Variants in PCBP4 observed in about 807,000 individuals in gnomAD.
The protein encoded by PCBP4 is poly(rC) binding protein 4.
PCBP4 carries 24 observed loss-of-function variants against 46.2 expected under a neutral mutation model. That is an observed-to-expected ratio of 0.52 (90% CI 0.38 to 0.73). PCBP4 has a LOEUF of 0.73. Ranked by LOEUF, PCBP4 falls within the 30% of genes least tolerant of loss-of-function variation. The probability of loss-of-function intolerance (pLI) is 0.00; values close to 1 mark genes in which losing one functional copy is unlikely to be tolerated. For synonymous variants in PCBP4, 203 were observed against 224.4 expected (o/e 0.90, Z 0.85); for missense variants, 407 against 537.0 (o/e 0.76, Z 2.39).
chr3:51,966,917 C>T (rs1412475448), intron 1 of PCBP4, among the ~76,000 whole-genome samples: 2 of 152,040 alleles, frequency 1.3e-5, no homozygotes, highest in South Asian at 2.1e-4. Context: ...ACACCCCTGG[C>T]CTGGAGGTCT....
chr3:51,967,451 G>T lies in PCBP4; in HGVS notation c.-338C>A, dbSNP rs1042919214. Reference sequence around the variant, plus strand: ...TGACATCAGCTGCGAACAATGAGGGGTTTGACAGGCGCGGAGCCCGGCCGG... The same window carrying T: ...TGACATCAGCTGCGAACAATGAGGGTTTTGACAGGCGCGGAGCCCGGCCGG... On this transcript the variant is annotated 5_prime_UTR_variant, in exon 1 of 14. Coordinates refer to ENST00000461554, the MANE Select transcript of PCBP4 (RefSeq NM_001174100.2). 6.8e-6 allele frequency: 1 copy of T among 147,826 alleles called. No homozygotes were observed. The highest frequency in any genetic ancestry group is 1.5e-5 in the Non-Finnish European group (1 of 66,396). The allele number at this position is 147,826 out of a possible 1,614,324, so 9.2% of individuals were successfully genotyped here. A position where few individuals can be genotyped will look rare whatever the true frequency, so the allele number is the denominator to read the frequency against.
intron 1 of PCBP4, chr3:51,962,798 T>G (rs1700243448): frequency 1.3e-5 from 2 of 152,216 alleles, no homozygotes; most frequent in African/African-American, 4.8e-5. Flanking sequence ...CATAAGGTCT[T>G]TGTTTCCTCA....
chr3:51,967,020 G>A (rs752262711), intron 1 of PCBP4, among the ~76,000 whole-genome samples: 6 of 152,138 alleles, frequency 3.9e-5, no homozygotes, highest in Non-Finnish European at 7.4e-5. Flanking sequence ...CAGAGATGGA[G>A]CAGAACCAGA....
At position 51,960,532 on chromosome 3, in the gene PCBP4, C is replaced by T; in HGVS notation, c.249G>A (p.Leu83=). Residue 83 remains leucine (L), a synonymous_variant, in exon 6 of 14, where the codon CTG becomes CTA. Transcript: ENST00000461554. The surrounding 1 kb of genome is among the most constrained non-coding windows in gnomAD (Gnocchi z 5.0). ...GCCCTGGCCAGCCACGGACCTCATC[C>T]AGTTTGAAAGCAATCATGGAGACTG... ...FHAVSMIAFK[L]DEDLCAAPAN... The T allele has an allele frequency of 6.2e-7, 1 of 1,612,364 alleles. No homozygotes were observed.
Position 51,961,272 on chromosome 3 carries a change from T to TGCGAGTGTGTCCGC in PCBP4, c.-46_-33dup. 1 of 1,604,118 alleles carries TGCGAGTGTGTCCGC rather than the reference T, an allele frequency of 6.2e-7. No individual in the cohort carries two copies. Among genetic ancestry groups the TGCGAGTGTGTCCGC allele is most frequent in the Non-Finnish European group, 8.5e-7 (1 of 1,177,974 alleles). On this transcript the variant is annotated 5_prime_UTR_variant, in exon 3 of 14. Transcript: ENST00000461554. Reference sequence around the variant, plus strand: ...AGGCGAGGCTGGGGCCACAGCGACCTGCGAGTGTGTCCGCGCTGCAACCTG... The same window carrying TGCGAGTGTGTCCGC: ...AGGCGAGGCTGGGGCCACAGCGACCTGCGAGTGTGTCCGCGCGAGTGTGTCCGCGCTGCAACCTG...
At position 51,958,006 on chromosome 3, in the gene PCBP4, A is replaced by G; in HGVS notation, c.*55T>C. 1 of 1,477,906 alleles carries G rather than the reference A, an allele frequency of 6.8e-7. No homozygotes were observed. The highest frequency in any genetic ancestry group is 9.0e-7 in the Non-Finnish European group (1 of 1,105,384). 91.5% of individuals were successfully genotyped at this position (1,477,906 alleles called of 1,614,324 possible). A position where few individuals can be genotyped will look rare whatever the true frequency, so the allele number is the denominator to read the frequency against. ...GAGTCTCCTTGGGCGGGTAGGGTGC[A>G]GAGGCAGCCCCCTGCTGGTGGTCCT... is the stretch of plus-strand genomic sequence containing the variant. On this transcript the variant is annotated 3_prime_UTR_variant, in exon 14 of 14. Coordinates refer to ENST00000461554, the MANE Select transcript of PCBP4 (RefSeq NM_001174100.2). This position sits in a 1 kb window ranked among gnomAD's most constrained non-coding sequence, Gnocchi z 5.4.
intron 1 of PCBP4, among the ~76,000 whole-genome samples, chr3:51,967,050 G>T (rs1309595978): frequency 6.6e-6 from 1 of 152,180 alleles, no homozygotes; most frequent in Non-Finnish European, 1.5e-5. Flanking sequence ...AGGAGTCAGA[G>T]AGAGGAGCAG....
rs531350169 is a variant in PCBP4 at position 51,958,340 on chromosome 3, C to T, written c.933G>A (p.Thr311=). 71 of 1,499,676 alleles carry T rather than the reference C, an allele frequency of 4.7e-5. No homozygotes were observed. Among genetic ancestry groups the T allele is most frequent in the East Asian group, 7.1e-5 (3 of 42,502 alleles). The allele number at this position is 1,499,676 out of a possible 1,614,324, so 92.9% of individuals were successfully genotyped here. The change falls in exon 14 of 14, where the codon ACG becomes ACA. Residue 311 remains threonine, a synonymous_variant. Transcript: ENST00000461554. This position sits in a 1 kb window ranked among gnomAD's most constrained non-coding sequence, Gnocchi z 5.4. ...GCGTCCCCCCAGAGGTAGACTTGGC[C>T]GTCTCTAGACTGGAGAGAGGGATAT... ...AQYLITACLE[T]AKSTSGGTPS...
chr3:51,964,490 G>C (rs1027089386), intron 1 of PCBP4, among the ~76,000 whole-genome samples: 2 of 152,158 alleles, frequency 1.3e-5, no homozygotes, highest in African/African-American at 4.8e-5. Flanking sequence ...GGACCCACCT[G>C]GGCTTCACTC....
At position 51,957,938 on chromosome 3, in the gene PCBP4, AT is replaced by A; in HGVS notation, c.*122del. 1 of 860,480 alleles carries A rather than the reference AT, an allele frequency of 1.2e-6. No individual in the cohort carries two copies. The highest frequency in any genetic ancestry group is 1.8e-6 in the Non-Finnish European group (1 of 559,030). 53.3% of individuals were successfully genotyped at this position (860,480 alleles called of 1,614,324 possible). On this transcript the variant is annotated 3_prime_UTR_variant, in exon 14 of 14. Transcript: ENST00000461554. ...TAGATGGAGGCAGGGTAGGGGGTGC[AT>A]CCATGCGTCTGGGCGTTAGCGGCGT...
chr3:51,961,559 A>G (rs1700181155), intron 2 of PCBP4: 1 of 458,020 alleles, frequency 2.2e-6, no homozygotes, highest in Non-Finnish European at 3.7e-6. Context: ...ATCTCCAAAG[A>G]GTGATGAGAA....
At position 51,960,984 on chromosome 3, in the gene PCBP4, T is replaced by A; in HGVS notation, c.105+26A>T. On this transcript the variant is annotated intron_variant, in intron 4 of 13. Transcript: ENST00000461554. This position sits in a 1 kb window ranked among gnomAD's most constrained non-coding sequence, Gnocchi z 5.0. The stretch of plus-strand genomic sequence containing the variant: ...GGCTGAAGCCTCAGCTGGAGGGGGA[T>A]GTACAGAGCAGAGCTAGGCACCTAC... The A allele has an allele frequency of 1.9e-6, 3 of 1,614,152 alleles. No homozygotes were observed. Among genetic ancestry groups the A allele is most frequent in the Non-Finnish European group, 2.5e-6 (3 of 1,179,994 alleles).
chr3:51,964,114 T>C lies in PCBP4; in HGVS notation c.-212-2026A>G, dbSNP rs752337468. 1.1e-4 allele frequency among the ~76,000 whole-genome samples: 16 copies of C among 152,308 alleles called. No individual in the cohort carries two copies. The South Asian group carries it at 1.7e-3, about 16-fold the overall frequency. ...CACACCAGGCCTCTGACCTCGGGCA[T>C]TCCCTCCTGACTCCCAGGCCCCCTC... On this transcript the variant is annotated intron_variant, in intron 1 of 13. Transcript: ENST00000461554.
Position 51,960,387 on chromosome 3 carries a change from T to C in PCBP4, c.256-67A>G. ...TATATCTGCCCAGGGGTCAGGAGGG[T>C]ACCCTTTCCCCAGTCCCACTTCAAG... On this transcript the variant is annotated intron_variant, in intron 6 of 13. Transcript: ENST00000461554. This position sits in a 1 kb window ranked among gnomAD's most constrained non-coding sequence, Gnocchi z 5.0. The C allele has an allele frequency of 6.3e-7, 1 of 1,585,636 alleles. No homozygotes were observed. Among genetic ancestry groups the C allele is most frequent in the Non-Finnish European group, 8.6e-7 (1 of 1,163,302 alleles).
chr3:51,965,536 T>G (rs984106159), intron 1 of PCBP4, among the ~76,000 whole-genome samples: 3 of 152,252 alleles, frequency 2.0e-5, no homozygotes, highest in African/African-American at 7.2e-5. Context: ...TGGGCATTTC[T>G]GAGCCTGTCT....
At chr3:51,966,181 C>G (rs1462449850) in intron 1 of PCBP4, among the ~76,000 whole-genome samples, 2 of 152,188 alleles carry the variant, frequency 1.3e-5, no homozygotes, top group Admixed American at 6.5e-5. Context: ...GGAGGGTGGA[C>G]AGCCTGTCTG....
At chr3:51,963,208 A>T (rs1275290179) in intron 1 of PCBP4, 1 of 152,242 alleles carries the variant, frequency 6.6e-6, no homozygotes, top group Non-Finnish European at 1.5e-5. Context: ...TTCACTACAC[A>T]GGAGAACCTG....
rs899697558 is a variant in PCBP4 at position 51,960,957 on chromosome 3, T to C, written c.105+53A>G. The C allele has an allele frequency of 4.3e-6, 7 of 1,614,130 alleles. No individual in the cohort carries two copies. In the East Asian group the frequency reaches 1.3e-4, roughly 31 times the overall value. ...ACTTAGAGGTCACAGCCTCCTTCCC[T>C]GGGCTGAAGCCTCAGCTGGAGGGGG... is the stretch of plus-strand genomic sequence containing the variant. On this transcript the variant is annotated intron_variant, in intron 4 of 13. Coordinates refer to ENST00000461554, the MANE Select transcript of PCBP4 (RefSeq NM_001174100.2). This position sits in a 1 kb window ranked among gnomAD's most constrained non-coding sequence, Gnocchi z 5.0.
rs181279579 is a variant in PCBP4 at position 51,958,418 on chromosome 3, G to A, written c.924-69C>T. ...GTGAGAGAGGGGCAATGAGGGCAGAGATGGGCATGAGATTAGATGAAAGGC... is the reference window on the plus strand; with the variant it reads ...GTGAGAGAGGGGCAATGAGGGCAGAAATGGGCATGAGATTAGATGAAAGGC... On this transcript the variant is annotated intron_variant, in intron 13 of 13. Transcript: ENST00000461554. The surrounding 1 kb of genome is among the most constrained non-coding windows in gnomAD (Gnocchi z 5.4). 1 of 1,087,096 alleles carries A rather than the reference G, an allele frequency of 9.2e-7. No homozygotes were observed. The allele number at this position is 1,087,096 out of a possible 1,614,324, so 67.3% of individuals were successfully genotyped here. A position where few individuals can be genotyped will look rare whatever the true frequency, so the allele number is the denominator to read the frequency against.
Sources: allele counts gnomAD v4.1 joint callset (sites outside exome capture counted in the v4.1 genomes callset), GRCh38; gene constraint gnomAD v4.1.1; non-coding constraint Gnocchi (gnomAD v3.1); transcripts MANE v1.5; gene names NCBI Gene and HGNC (gene_info 2026-07-23, HGNC 2026-07-21).